The following NDST4 variants were observed in gnomAD, a reference collection of about 807,000 sequenced individuals.
NDST4 encodes the protein N-heparan sulfate sulfotransferase 4.
Under a neutral mutation model 100.8 loss-of-function variants are expected in NDST4, and 63 were observed. The ratio of observed to expected loss-of-function variants is 0.62; its 90% CI spans 0.51 to 0.77. The LOEUF (loss-of-function observed/expected upper bound fraction) is 0.77. Among genes scored for constraint, NDST4 ranks in the 30% least tolerant of loss-of-function variants. NDST4 has a pLI of 0.00. For synonymous variants in NDST4, 377 were observed against 361.8 expected, an observed-to-expected ratio of 1.04 and a Z score of -0.48; for missense variants, 943 against 1,018.4, an observed-to-expected ratio of 0.93 and a Z score of 1.01.
intron 2 of NDST4, among the ~76,000 whole-genome samples, chr4:115,033,157 A>ATATATT (rs1491126767): frequency 1.2e-3 from 72 of 59,936 alleles, no homozygotes; most frequent in South Asian, 6.9e-3. Context: ...ATATATATAT[A>ATATATT]TTTTTTTTTT....
At position 114,970,456 on chromosome 4, in the gene NDST4, T is replaced by A. The variant is rs1290531174; in HGVS notation, c.1195A>T (p.Met399Leu). ...AGTGCAAATTCCTTGTTGAGAATCATCTGCTCTACTAAAGATGACTCGTTG... is the reference window on the plus strand; with the variant it reads ...AGTGCAAATTCCTTGTTGAGAATCAACTGCTCTACTAAAGATGACTCGTTG... ...FHNESSLVEQ[M>L]ILNKEFALEH... The change falls in exon 4 of 14, where the codon ATG becomes TTG. Residue 399 changes from methionine (M) to leucine (L), a missense_variant. This residue lies in a region of NDST4 where 526 missense variants were observed against 634.1 expected (regional missense o/e 0.83). Coordinates refer to ENST00000264363, the MANE Select transcript of NDST4 (RefSeq NM_022569.3). 9 of 1,613,760 alleles carry A rather than the reference T, an allele frequency of 5.6e-6. No individual in the cohort carries two copies. In the Admixed American group the frequency reaches 1.3e-4, roughly 24 times the overall value.
At chr4:114,832,001 G>T (rs1723210420) in intron 12 of NDST4, among the ~76,000 whole-genome samples, 1 of 152,150 alleles carries the variant, frequency 6.6e-6, no homozygotes, top group African/African-American at 2.4e-5. Flanking sequence ...ATTAATTTTT[G>T]TGATGTGTGA....
chr4:115,021,692 C>T (rs998039119), intron 2 of NDST4, among the ~76,000 whole-genome samples: 5 of 151,728 alleles, frequency 3.3e-5, no homozygotes, highest in African/African-American at 4.8e-5. Flanking sequence ...TATATATACA[C>T]GTTCCACATC....
intron 6 of NDST4, among the ~76,000 whole-genome samples, chr4:114,896,719 CA>C (rs1724722993): frequency 1.3e-5 from 2 of 151,916 alleles, no homozygotes; most frequent in African/African-American, 4.8e-5. Context: ...ATGAGATGTT[CA>C]CATTGCATGA....
chr4:114,868,501 G>A (rs937321374), intron 7 of NDST4, among the ~76,000 whole-genome samples: 3 of 151,980 alleles, frequency 2.0e-5, no homozygotes, highest in Non-Finnish European at 4.4e-5. Context: ...GTTTGGCAAA[G>A]TTCATCAGAT....
intron 9 of NDST4, 72 bp from the exon 10 acceptor site, chr4:114,846,069 T>C (rs1723543318): frequency 1.8e-6 from 2 of 1,135,320 alleles, no homozygotes; most frequent in African/African-American, 3.1e-5. Context: ...GTGAAATAAT[T>C]GGAACATTTT....
chr4:114,854,377 T>C (rs183397216), intron 7 of NDST4, among the ~76,000 whole-genome samples: 2 of 152,352 alleles, frequency 1.3e-5, no homozygotes, highest in East Asian at 1.9e-4. Context: ...CATTTCTCTG[T>C]TGATGGATAC....
Position 115,073,827 on chromosome 4 carries a change from G to T in NDST4, c.978+2232C>A, listed in dbSNP as rs914540623. 7.9e-5 allele frequency among the ~76,000 whole-genome samples: 12 copies of T among 151,658 alleles called. No individual in the cohort carries two copies. The South Asian group carries it at 1.7e-3, about 21-fold the overall frequency. On this transcript the variant is annotated intron_variant, in intron 2 of 13. Transcript: ENST00000264363. ...TTCACCAAAAAATGATAAGTATCTG[G>T]GATAATTAATTCCTATGTCATTTTT...
At chr4:114,868,874 C>G (rs549675055) in intron 7 of NDST4, among the ~76,000 whole-genome samples, 1 of 150,764 alleles carries the variant, frequency 6.6e-6, no homozygotes, top group Non-Finnish European at 1.5e-5. Flanking sequence ...TATTCTCTCT[C>G]TTATGATGAA....
rs568117232 is a variant in NDST4, at chr4:115,107,239, A to G, written c.-247+6205T>C. The stretch of plus-strand genomic sequence containing the variant: ...AAAATTTAAAAACCAGTAATTTGAG[A>G]TAATTTACACACATAATACTTCTTA... On this transcript the variant is annotated intron_variant, in intron 1 of 13. Transcript: ENST00000264363. Among the ~76,000 whole-genome samples the G allele has an allele frequency of 5.3e-5, 8 of 152,278 alleles. No individual in the cohort carries two copies. In the South Asian group the frequency reaches 1.5e-3, roughly 28 times the overall value.
intron 6 of NDST4, among the ~76,000 whole-genome samples, chr4:114,871,580 G>A (rs377367266): frequency 6.6e-6 from 1 of 151,940 alleles, no homozygotes; most frequent in Non-Finnish European, 1.5e-5. Context: ...TAATTGGTAT[G>A]GAAAGAGCAA....
chr4:115,050,752 T>C (rs1270800140), intron 2 of NDST4, among the ~76,000 whole-genome samples: 1 of 152,136 alleles, frequency 6.6e-6, no homozygotes, highest in Non-Finnish European at 1.5e-5. Context: ...CAGTCTTCAT[T>C]TGCATGTTTC....
intron 6 of NDST4, among the ~76,000 whole-genome samples, chr4:114,874,144 C>G (rs1179410115): frequency 6.6e-6 from 1 of 151,874 alleles, no homozygotes; most frequent in Admixed American, 6.6e-5. Flanking sequence ...AGTCTAAAGT[C>G]TGACAAAATT....
chr4:114,836,907 T>C (rs1723317293), intron 11 of NDST4, among the ~76,000 whole-genome samples: 1 of 152,120 alleles, frequency 6.6e-6, no homozygotes, highest in Non-Finnish European at 1.5e-5. Flanking sequence ...CTTGATCGAT[T>C]CGGCTATTGA....
chr4:114,976,365 C>T (rs887237032), intron 3 of NDST4, among the ~76,000 whole-genome samples: 1 of 152,052 alleles, frequency 6.6e-6, no homozygotes, highest in Non-Finnish European at 1.5e-5. Context: ...ATTCCCCTAA[C>T]ACAGGCCCCA....
chr4:114,928,055 G>T (rs1345481373), intron 6 of NDST4, among the ~76,000 whole-genome samples: 1 of 152,138 alleles, frequency 6.6e-6, no homozygotes, highest in South Asian at 2.1e-4. Context: ...TTAAAAGTCA[G>T]CTCTGTTAAA....
chr4:114,932,400 T>G (rs1725534258), intron 6 of NDST4, among the ~76,000 whole-genome samples: 1 of 151,938 alleles, frequency 6.6e-6, no homozygotes, highest in Admixed American at 6.5e-5. Flanking sequence ...TCTTTAGTGG[T>G]GCAAAGTTGA....
Position 114,883,499 on chromosome 4 carries a change from A to T in NDST4, c.1537-12549T>A, listed in dbSNP as rs144855489. 4.0e-3 allele frequency among the ~76,000 whole-genome samples: 604 copies of T among 152,274 alleles called. 1 individual carries two copies. The highest frequency in any genetic ancestry group is 6.8e-3 in the Middle Eastern group (2 of 294). The stretch of plus-strand genomic sequence containing the variant: ...GAAGAGATAAAATGGAATTCTATGC[A>T]ATGTTCAATTAAAACCTGAAATGTC... On this transcript the variant is annotated intron_variant, in intron 6 of 13. Coordinates refer to ENST00000264363, the MANE Select transcript of NDST4 (RefSeq NM_022569.3).
intron 4 of NDST4, among the ~76,000 whole-genome samples, chr4:114,954,029 C>T (rs1726081248): frequency 6.6e-6 from 1 of 152,064 alleles, no homozygotes; most frequent in East Asian, 1.9e-4. Context: ...TTCTTCCACC[C>T]TAAGACTATT....
Sources: gnomAD v4.1 joint callset for allele counts (sites outside exome capture counted in the v4.1 genomes callset) on GRCh38, gnomAD v4.1.1 for gene constraint, gnomAD v4.1.1 regional missense constraint, MANE v1.5 for transcripts, NCBI Gene and HGNC (gene_info 2026-07-23, HGNC 2026-07-21) for gene names.